The following PRR5L variants were observed in gnomAD, a reference collection of about 807,000 sequenced individuals.
The protein encoded by PRR5L is proline-rich protein 5-like.
Under a neutral mutation model 36.4 loss-of-function variants are expected in PRR5L, and 21 were observed. The ratio of observed to expected loss-of-function variants is 0.58; its 90% CI spans 0.41 to 0.83. PRR5L has a LOEUF of 0.83. PRR5L is among the 40% of genes least tolerant of loss of function. The probability of loss-of-function intolerance (pLI) is 0.00; values close to 1 mark genes in which losing one functional copy is unlikely to be tolerated. For missense variants in PRR5L, 381 were observed against 473.3 expected (o/e 0.80, Z 1.81); for synonymous variants, 188 against 197.0 (o/e 0.95, Z 0.38).
intron 1 of PRR5L, among the ~76,000 whole-genome samples, chr11:36,368,617 G>A (rs758768022): frequency 2.2e-4 from 33 of 152,200 alleles, no homozygotes; most frequent in Non-Finnish European, 4.3e-4. Context: ...CAAGTCTGTA[G>A]TGGAATTTTC....
intron 1 of PRR5L, among the ~76,000 whole-genome samples, chr11:36,372,597 A>C (rs1857208163): frequency 6.6e-6 from 1 of 152,184 alleles, no homozygotes; most frequent in Admixed American, 6.5e-5. Context: ...AGCTGCATTC[A>C]GAGTGGCAGG....
At chr11:36,437,844 T>A (rs331481) in intron 6 of PRR5L, among the ~76,000 whole-genome samples, 2 of 152,170 alleles carry the variant, frequency 1.3e-5, no homozygotes, top group South Asian at 2.1e-4. Context: ...TCTCTCCCCC[T>A]ACTTTTTTTT....
At chr11:36,371,400 T>C (rs1325657516) in intron 1 of PRR5L, among the ~76,000 whole-genome samples, 2 of 152,262 alleles carry the variant, frequency 1.3e-5, no homozygotes, top group African/African-American at 4.8e-5. Flanking sequence ...ATTGAGTGCT[T>C]ACGCAAGTTT....
chr11:36,392,921 CACATCAAAT>C, intron 1 of PRR5L, among the ~76,000 whole-genome samples: 1 of 152,316 alleles, frequency 6.6e-6, no homozygotes, highest in Middle Eastern at 3.4e-3. Context: ...AGAGCCAAAC[CACATCAAAT>C]GATGTTGCAC....
intron 1 of PRR5L, chr11:36,393,833 G>A (rs2133546916): frequency 6.6e-6 from 1 of 152,252 alleles, no homozygotes; most frequent in East Asian, 1.9e-4. Context: ...CCATTTTTGT[G>A]TGTGTGTCCT....
Position 36,366,722 on chromosome 11 carries a change from A to G in PRR5L, c.-125-34275A>G, listed in dbSNP as rs571214725. Reference sequence around the variant, plus strand: ...GGATGTACCTTGTATTATGGTGCCTAGGACGCTAAATTAGTGGTTAGAGGG... The same window carrying G: ...GGATGTACCTTGTATTATGGTGCCTGGGACGCTAAATTAGTGGTTAGAGGG... On this transcript the variant is annotated intron_variant, in intron 1 of 8. Transcript: ENST00000530639. Among the ~76,000 whole-genome samples the G allele has an allele frequency of 1.1e-3, 174 of 152,314 alleles. 1 individual carries two copies. The highest frequency in any genetic ancestry group is 1.6e-3 in the Non-Finnish European group (107 of 68,024).
intron 1 of PRR5L, among the ~76,000 whole-genome samples, chr11:36,333,821 A>G (rs1313654983): frequency 3.9e-5 from 6 of 152,216 alleles, no homozygotes; most frequent in Non-Finnish European, 7.3e-5. Flanking sequence ...GTTGTATACA[A>G]CTGCCAGAAC....
At position 36,463,715 on chromosome 11, in the gene PRR5L, A is replaced by T. The variant is rs1225508106; in HGVS notation, c.*979A>T. On this transcript the variant is annotated 3_prime_UTR_variant, in exon 9 of 9. Coordinates refer to ENST00000530639, the MANE Select transcript of PRR5L (RefSeq NM_001160167.2). ...TTCATTTTCAGTGGGGTGAGTCTTCACACTAAAAACACAAGCAGAGCTCCT... is the reference window on the plus strand; with the variant it reads ...TTCATTTTCAGTGGGGTGAGTCTTCTCACTAAAAACACAAGCAGAGCTCCT... The T allele has an allele frequency of 6.6e-6, 1 of 152,550 alleles. No individual in the cohort carries two copies. The highest frequency in any genetic ancestry group is 1.5e-5 in the Non-Finnish European group (1 of 68,040). 9.4% of individuals were successfully genotyped at this position (152,550 alleles called of 1,614,324 possible).
intron 8 of PRR5L, among the ~76,000 whole-genome samples, chr11:36,457,049 C>T (rs973077439): frequency 1.3e-5 from 2 of 152,336 alleles, no homozygotes; most frequent in South Asian, 2.1e-4. Context: ...TGCCTGGGCC[C>T]TCCAAGGATC....
At chr11:36,331,557 A>G (rs906399247) in intron 1 of PRR5L, among the ~76,000 whole-genome samples, 3 of 152,246 alleles carry the variant, frequency 2.0e-5, no homozygotes, top group African/African-American at 7.2e-5. Flanking sequence ...AAAGTAAAAG[A>G]AAAACAAACT....
chr11:36,451,145 TG>T, intron 7 of PRR5L, 63 bp from the exon 8 acceptor site: 2 of 1,587,676 alleles, frequency 1.3e-6, no homozygotes, highest in African/African-American at 1.3e-5. Context: ...ATTTGTTGAG[TG>T]AGAACCTGCT....
In PRR5L at chr11:36,401,155, G is replaced by A. The variant is rs1227303624; in HGVS notation, c.34G>A (p.Glu12Lys). The A allele has an allele frequency of 1.2e-6, 2 of 1,614,130 alleles. No homozygotes were observed. The highest frequency in any genetic ancestry group is 1.7e-6 in the Non-Finnish European group (2 of 1,180,024). Reference protein sequence around the residue: ...TRGFAPILPVEFHKMGSFRRP... With the variant: ...TRGFAPILPVKFHKMGSFRRP... ...CGGCTTCGCTCCCATTCTGCCCGTC[G>A]AGTTCCACAAGATGGGCTCCTTCCG... is the stretch of plus-strand genomic sequence containing the variant. Residue 12 changes from glutamate (E) to lysine (K), a missense_variant, in exon 2 of 9, where the codon GAG becomes AAG. Physicochemically the swap from Glu to Lys is moderately conservative, Grantham distance 56. Coordinates refer to ENST00000530639, the MANE Select transcript of PRR5L (RefSeq NM_001160167.2).
intron 3 of PRR5L, among the ~76,000 whole-genome samples, chr11:36,416,374 G>A (rs1174469737): frequency 2.6e-5 from 4 of 152,180 alleles, no homozygotes; most frequent in African/African-American, 9.6e-5. Flanking sequence ...TAGTGGAGAA[G>A]GTTTTGCATT....
At position 36,357,241 on chromosome 11, in the gene PRR5L, T is replaced by A. The variant is rs188878429; in HGVS notation, c.-125-43756T>A. On this transcript the variant is annotated intron_variant, in intron 1 of 8. Coordinates refer to ENST00000530639, the MANE Select transcript of PRR5L (RefSeq NM_001160167.2). ...GGTGAGGAAGCTGCAGAAGAAAAGT[T>A]GGAAGCTACAGGAGGTTGGTTCATG... Among the ~76,000 whole-genome samples, 52 of 152,302 alleles carry A rather than the reference T, an allele frequency of 3.4e-4. 1 individual carries two copies. The East Asian group carries it at 7.9e-3, about 23-fold the overall frequency.
rs528758095 is a variant in PRR5L, at chr11:36,413,503, C to T, written c.246-5752C>T. 6.2e-4 allele frequency among the ~76,000 whole-genome samples: 94 copies of T among 152,242 alleles called. 1 individual carries two copies. The highest frequency in any genetic ancestry group is 3.4e-3 in the Middle Eastern group (1 of 294). On this transcript the variant is annotated intron_variant, in intron 3 of 8. Transcript: ENST00000530639. ...GTTTTGACATGGTTCAAAAATTTTA[C>T]GCATATAGCAAGGGTATACAGTAGA...
chr11:36,397,920 C>T (rs1308720800), intron 1 of PRR5L, among the ~76,000 whole-genome samples: 4 of 151,974 alleles, frequency 2.6e-5, no homozygotes, highest in Non-Finnish European at 2.9e-5. Flanking sequence ...CTCAGCCCCC[C>T]GAGTCGCCGG....
rs1432920793 is a variant in PRR5L at position 36,400,980 on chromosome 11, C to G, written c.-125-17C>G. Reference sequence around the variant, plus strand: ...TCAGGCCAGGAGTTCTCAATAAAAGCTTCCCTCTCTTTTCAGGTGTTGGCT... The same window carrying G: ...TCAGGCCAGGAGTTCTCAATAAAAGGTTCCCTCTCTTTTCAGGTGTTGGCT... On this transcript the variant is annotated splice_polypyrimidine_tract_variant and intron_variant, in intron 1 of 8. Transcript: ENST00000530639. 2 of 1,432,894 alleles carry G rather than the reference C, an allele frequency of 1.4e-6. No homozygotes were observed. Among genetic ancestry groups the G allele is most frequent in the East Asian group, 5.1e-5 (2 of 39,480 alleles). The allele number at this position is 1,432,894 out of a possible 1,614,324, so 88.8% of individuals were successfully genotyped here. A position where few individuals can be genotyped will look rare whatever the true frequency, so the allele number is the denominator to read the frequency against.
At chr11:36,376,455 C>T (rs1034105088) in intron 1 of PRR5L, 8 of 1,129,232 alleles carry the variant, frequency 7.1e-6, no homozygotes, top group South Asian at 5.7e-5. Flanking sequence ...TTTGTTGACT[C>T]GCGCTGGAGA....
chr11:36,407,751 C>T (rs769795625), intron 3 of PRR5L, among the ~76,000 whole-genome samples: 9 of 152,128 alleles, frequency 5.9e-5, no homozygotes, highest in Non-Finnish European at 1.0e-4. Flanking sequence ...TAAATAGTAG[C>T]CAATGCAAAG....
Sources: gnomAD v4.1 joint callset for allele counts (sites outside exome capture counted in the v4.1 genomes callset) on GRCh38, gnomAD v4.1.1 for gene constraint, MANE v1.5 for transcripts, NCBI Gene and HGNC (gene_info 2026-07-23, HGNC 2026-07-21) for gene names.